ROPN1L: variants seen among roughly 807,000 people sequenced by gnomAD.
The protein encoded by ROPN1L is rhophilin associated tail protein 1 like.
ROPN1L carries 23 observed loss-of-function variants against 22.7 expected under a neutral mutation model. The ratio of observed to expected loss-of-function variants is 1.01; its 90% confidence interval spans 0.73 to 1.43. The LOEUF is 1.43. Ranked by LOEUF, ROPN1L falls within the 40% of genes most tolerant of loss-of-function variation. The probability of loss-of-function intolerance (pLI) is 0.00; values close to 1 mark genes in which losing one functional copy is unlikely to be tolerated. For synonymous variants in ROPN1L, 116 were observed against 117.8 expected, an observed-to-expected ratio of 0.98 and a Z score of 0.10; for missense variants, 271 against 291.5, an observed-to-expected ratio of 0.93 and a Z score of 0.51.
downstream of ROPN1L, among the ~76,000 whole-genome samples, chr5:10,467,854 C>A (rs1245246658): frequency 6.6e-6 from 1 of 152,172 alleles, no homozygotes; most frequent in East Asian, 1.9e-4. Context: ...AATGCCAAGG[C>A]CTCATTCGGA....
intron 3 of ROPN1L, among the ~76,000 whole-genome samples, chr5:10,458,822 C>CCT (rs1463313259): frequency 1.4e-4 from 7 of 48,654 alleles, no homozygotes; most frequent in African/African-American, 3.6e-4. Context: ...ACCATCTCAC[C>CCT]CATGTACACC....
chr5:10,444,724 C>A (rs1740999427), intron 1 of ROPN1L, among the ~76,000 whole-genome samples: 2 of 150,918 alleles, frequency 1.3e-5, no homozygotes, highest in Admixed American at 6.6e-5. Context: ...CATGGTGAAA[C>A]CCCATCTCTA....
intron 4 of ROPN1L, among the ~76,000 whole-genome samples, chr5:10,461,796 A>G (rs1436569911): frequency 2.0e-5 from 3 of 152,230 alleles, no homozygotes; most frequent in African/African-American, 7.2e-5. Flanking sequence ...GGAAACACTC[A>G]TGTTTACTAT....
intron 2 of ROPN1L, 121 bp from the exon 3 acceptor site, chr5:10,449,831 T>G: frequency 1.4e-6 from 1 of 732,308 alleles, no homozygotes; most frequent in Non-Finnish European, 2.2e-6. Flanking sequence ...TGTCATGCAT[T>G]TGGAGTTCAT....
chr5:10,473,311 C>T (rs116768096), downstream of ROPN1L, among the ~76,000 whole-genome samples: 1,366 of 152,192 alleles, frequency 9.0e-3, 14 homozygotes, highest in Non-Finnish European at 0.014. Context: ...AGGGTGGACC[C>T]TAAATCCAAT....
chr5:10,463,794 G>A (rs1735096476), intron 4 of ROPN1L, among the ~76,000 whole-genome samples: 1 of 152,134 alleles, frequency 6.6e-6, no homozygotes, highest in Non-Finnish European at 1.5e-5. Context: ...AAGACAGTAG[G>A]TCATGTTCAG....
At chr5:10,454,719 C>G (rs950569525) in intron 3 of ROPN1L, among the ~76,000 whole-genome samples, 1 of 152,246 alleles carries the variant, frequency 6.6e-6, no homozygotes, top group African/African-American at 2.4e-5. Context: ...AGTTTTCCAT[C>G]TGAACACGGT....
intron 1 of ROPN1L, among the ~76,000 whole-genome samples, chr5:10,447,580 C>G (rs1421956166): frequency 6.6e-6 from 1 of 152,152 alleles, no homozygotes; most frequent in Non-Finnish European, 1.5e-5. Context: ...ACCCACCTGT[C>G]AAAAGTGGGA....
the ROPN1L span, among the ~76,000 whole-genome samples, chr5:10,478,701 C>G: frequency 6.6e-6 from 1 of 152,098 alleles, no homozygotes; most frequent in Non-Finnish European, 1.5e-5. Context: ...CTGCAACAGC[C>G]CTGTTTCCAA....
chr5:10,467,019 C>A (rs927968760), downstream of ROPN1L, among the ~76,000 whole-genome samples: 1 of 152,144 alleles, frequency 6.6e-6, no homozygotes, highest in Non-Finnish European at 1.5e-5. Flanking sequence ...AGGGCCCATG[C>A]TAATGACCTC....
Position 10,464,983 on chromosome 5 carries a change from C to A in ROPN1L, c.*36C>A. On this transcript the variant is annotated 3_prime_UTR_variant, in exon 5 of 5. Coordinates refer to ENST00000274134, the MANE Select transcript of ROPN1L (RefSeq NM_031916.5). ...AATACATTTTAATGTCAAAATAGTG[C>A]TCTTTAAAATTCTGGCACCAAATAC... 1 of 1,295,930 alleles carries A rather than the reference C, an allele frequency of 7.7e-7. No individual in the cohort carries two copies. Among genetic ancestry groups the A allele is most frequent in the Non-Finnish European group, 1.1e-6 (1 of 920,004 alleles). The allele number at this position is 1,295,930 out of a possible 1,614,324, so 80.3% of individuals were successfully genotyped here.
chr5:10,473,721 C>G (rs555662224), downstream of ROPN1L, among the ~76,000 whole-genome samples: 5 of 152,094 alleles, frequency 3.3e-5, no homozygotes, highest in Admixed American at 3.3e-4. Flanking sequence ...CTTTTGATTC[C>G]GAAAATAACA....
rs115886553 is a variant in ROPN1L, at chr5:10,455,353, G to A, written c.417+5240G>A. Reference sequence around the variant, plus strand: ...GAATTCCTCATAGCCCCTGCAGCCCGTGAGAAGAAGACACAGCCACGCCCC... The same window carrying A: ...GAATTCCTCATAGCCCCTGCAGCCCATGAGAAGAAGACACAGCCACGCCCC... On this transcript the variant is annotated intron_variant, in intron 3 of 4. Coordinates refer to ENST00000274134, the MANE Select transcript of ROPN1L (RefSeq NM_031916.5). Among the ~76,000 whole-genome samples the A allele has an allele frequency of 3.2e-3, 481 of 152,316 alleles. 3 individuals are homozygous for A. Among genetic ancestry groups the A allele is most frequent in the African/African-American group, 0.011 (460 of 41,556 alleles).
At position 10,461,540 on chromosome 5, in the gene ROPN1L, T is replaced by C. The variant is rs148734822; in HGVS notation, c.593+181T>C. 5.2e-4 allele frequency: 308 copies of C among 588,398 alleles called. No homozygotes were observed. In the African/African-American group the frequency reaches 5.4e-3, roughly 10 times the overall value. 36.4% of individuals were successfully genotyped at this position (588,398 alleles called of 1,614,324 possible). A position where few individuals can be genotyped will look rare whatever the true frequency, so the allele number is the denominator to read the frequency against. On this transcript the variant is annotated intron_variant, in intron 4 of 4. Coordinates refer to ENST00000274134, the MANE Select transcript of ROPN1L (RefSeq NM_031916.5). Reference sequence around the variant, plus strand: ...TTTTCCTCACCAAAAAGCAAGCAAGTGGTCCTGCAGCAGACACCAGCTGTG... The same window carrying C: ...TTTTCCTCACCAAAAAGCAAGCAAGCGGTCCTGCAGCAGACACCAGCTGTG...
chr5:10,441,994 G>T lies in ROPN1L; in HGVS notation c.-174G>T. 1.3e-6 allele frequency: 1 copy of T among 794,946 alleles called. No individual in the cohort carries two copies. 49.2% of individuals were successfully genotyped at this position (794,946 alleles called of 1,614,324 possible). On this transcript the variant is annotated 5_prime_UTR_variant, in exon 1 of 5. Coordinates refer to ENST00000274134, the MANE Select transcript of ROPN1L (RefSeq NM_031916.5). ...GGTCCGAATTTCTCCCGAAGCCCGC[G>T]GAGGAGCGGGTAAGAGCCCCGCGAA...
At chr5:10,451,622 C>T (rs1741254944) in intron 3 of ROPN1L, among the ~76,000 whole-genome samples, 3 of 152,240 alleles carry the variant, frequency 2.0e-5, no homozygotes, top group Admixed American at 1.3e-4. Flanking sequence ...TGGCGCAGTT[C>T]ACCAGCTCTG....
At chr5:10,478,248 G>A in the ROPN1L span, 1 of 152,338 alleles carries the variant, frequency 6.6e-6, no homozygotes, top group Non-Finnish European at 1.5e-5. Flanking sequence ...TACTTGAGTG[G>A]TAGCTGAGTT....
intron 4 of ROPN1L, among the ~76,000 whole-genome samples, chr5:10,463,158 T>C (rs773547671): frequency 2.0e-5 from 3 of 152,244 alleles, no homozygotes; most frequent in Non-Finnish European, 4.4e-5. Context: ...AGGCTGGTTC[T>C]GCTCTGAAGC....
chr5:10,454,985 C>T (rs80143634), intron 3 of ROPN1L, among the ~76,000 whole-genome samples: 2,923 of 152,294 alleles, frequency 0.019, 93 homozygotes, highest in African/African-American at 0.065. Flanking sequence ...TTCAAGTTTA[C>T]GCCTGAGATT....
Sources: allele counts gnomAD v4.1 joint callset (sites outside exome capture counted in the v4.1 genomes callset), GRCh38; gene constraint gnomAD v4.1.1; transcripts MANE v1.5; gene names NCBI Gene and HGNC (gene_info 2026-07-23, HGNC 2026-07-21).